SPEF2: variants seen among roughly 807,000 people sequenced by gnomAD.
SPEF2 encodes the protein sperm flagellar and cilia associated 2, also known as sperm flagella and cilia-associated protein 2.
Under a neutral mutation model 224.6 loss-of-function variants are expected in SPEF2, and 187 were observed. The observed-to-expected ratio is 0.83, with a 90% CI of 0.74 to 0.94. The LOEUF is 0.94. SPEF2 is among the 40% of genes least tolerant of loss of function. The pLI is 0.00. For missense variants in SPEF2, 2,170 were observed against 2,135.6 expected, an observed-to-expected ratio of 1.02 and a Z score of -0.32; for synonymous variants, 715 against 707.3, an observed-to-expected ratio of 1.01 and a Z score of -0.17.
chr5:35,770,225 C>A (rs1270696135), intron 26 of SPEF2, among the ~76,000 whole-genome samples: 4 of 152,008 alleles, frequency 2.6e-5, no homozygotes, highest in Non-Finnish European at 5.9e-5. Flanking sequence ...TATATATAAT[C>A]TTAATTTACA....
At chr5:35,710,414 G>A in intron 19 of SPEF2, 2 of 507,324 alleles carry the variant, frequency 3.9e-6, no homozygotes, top group Non-Finnish European at 5.1e-6. Context: ...AAAATTAGCT[G>A]GGCGTGGTGG....
Position 35,715,409 on chromosome 5 carries a change from A to G in SPEF2, c.2914+2523A>G, listed in dbSNP as rs369279701. On this transcript the variant is annotated intron_variant, in intron 20 of 36. Transcript: ENST00000356031. ...AAAAAAAAGTCCTCCACAACTTAAC[A>G]TAGCAGTGGAGGTGAAACTTTTATT... Among the ~76,000 whole-genome samples, 14 of 152,234 alleles carry G rather than the reference A, an allele frequency of 9.2e-5. No individual in the cohort carries two copies. The East Asian group carries it at 1.2e-3, about 13-fold the overall frequency.
At chr5:35,737,958 T>C (rs954389961) in intron 21 of SPEF2, among the ~76,000 whole-genome samples, 1 of 152,252 alleles carries the variant, frequency 6.6e-6, no homozygotes, top group African/African-American at 2.4e-5. Context: ...ATTTCTCTGA[T>C]GGCCAGTGAT....
intron 1 of SPEF2, among the ~76,000 whole-genome samples, chr5:35,623,119 C>T (rs1407222112): frequency 6.6e-6 from 1 of 152,134 alleles, no homozygotes; most frequent in Non-Finnish European, 1.5e-5. Context: ...TAAGAGGGTG[C>T]TAGAAATGAC....
intron 2 of SPEF2, 92 bp from the exon 3 acceptor site, chr5:35,641,339 A>G (rs1746592899): frequency 1.4e-6 from 2 of 1,394,258 alleles, no homozygotes; most frequent in Admixed American, 4.4e-5. Flanking sequence ...GAAATAATTC[A>G]AAATATTGGA....
intron 29 of SPEF2, 149 bp downstream of exon 29, chr5:35,776,544 G>A: frequency 1.4e-6 from 1 of 723,098 alleles, no homozygotes; most frequent in Non-Finnish European, 2.2e-6. Context: ...CAGATAATAT[G>A]AGCTTTACTA....
intron 24 of SPEF2, among the ~76,000 whole-genome samples, chr5:35,759,293 C>T (rs961478313): frequency 6.6e-6 from 1 of 152,060 alleles, no homozygotes; most frequent in African/African-American, 2.4e-5. Flanking sequence ...AAACATCATA[C>T]ATCCTGTAAC....
intron 30 of SPEF2, among the ~76,000 whole-genome samples, chr5:35,785,901 C>T (rs1478470621): frequency 6.6e-6 from 1 of 151,986 alleles, no homozygotes; most frequent in East Asian, 1.9e-4. Flanking sequence ...CTCCATTTTC[C>T]CCTTTGCCTG....
intron 26 of SPEF2, among the ~76,000 whole-genome samples, chr5:35,766,146 A>T (rs2149767707): frequency 6.6e-6 from 1 of 152,212 alleles, no homozygotes. Flanking sequence ...ATACTAGCTT[A>T]ATAAATCAAG....
intron 26 of SPEF2, among the ~76,000 whole-genome samples, chr5:35,767,827 AGG>A (rs1752288593): frequency 6.6e-6 from 1 of 152,094 alleles, no homozygotes. Flanking sequence ...TAAGAGAAGA[AGG>A]GGTTAGTGTG....
Position 35,806,591 on chromosome 5 carries a change from G to A in SPEF2, c.5011-116G>A, listed in dbSNP as rs894314396. 31 of 1,311,186 alleles carry A rather than the reference G, an allele frequency of 2.4e-5. No homozygotes were observed. The African/African-American group carries it at 3.1e-4, about 13-fold the overall frequency. 81.2% of individuals were successfully genotyped at this position (1,311,186 alleles called of 1,614,324 possible). ...CCTCTAGACTGGTTAGCTAGTTTGT[G>A]GTAGGCTCTGTCATTCATGAAAAGT... On this transcript the variant is annotated intron_variant, in intron 34 of 36. Transcript: ENST00000356031.
intron 8 of SPEF2, among the ~76,000 whole-genome samples, 162 bp downstream of exon 8, chr5:35,659,369 A>G (rs1203169593): frequency 6.6e-6 from 1 of 152,188 alleles, no homozygotes; most frequent in Non-Finnish European, 1.5e-5. Flanking sequence ...TAACTCCATC[A>G]ACAGGGCATG....
At chr5:35,771,540 A>G in intron 26 of SPEF2, 69 bp from the exon 27 acceptor site, 2 of 1,546,536 alleles carry the variant, frequency 1.3e-6, no homozygotes, top group Non-Finnish European at 1.7e-6. Context: ...TTTAGTAATG[A>G]CTACATCCAA....
chr5:35,702,001 A>G (rs1738739880), intron 16 of SPEF2, among the ~76,000 whole-genome samples: 1 of 152,178 alleles, frequency 6.6e-6, no homozygotes. Context: ...ATTGCTCTGT[A>G]GATAATAGCC....
intron 30 of SPEF2, chr5:35,791,360 G>A (rs953458063): frequency 6.6e-6 from 1 of 152,184 alleles, no homozygotes; most frequent in Admixed American, 6.5e-5. Flanking sequence ...GAAGCACTGA[G>A]ATTTTAGAAG....
intron 27 of SPEF2, among the ~76,000 whole-genome samples, chr5:35,773,064 A>C (rs1159561960): frequency 3.3e-5 from 5 of 152,182 alleles, no homozygotes; most frequent in African/African-American, 1.2e-4. Flanking sequence ...TGATGTACTT[A>C]TAGTTAAGTT....
chr5:35,753,819 T>A (rs1580595511), intron 24 of SPEF2, 58 bp downstream of exon 24: 1 of 1,602,652 alleles, frequency 6.2e-7, no homozygotes, highest in East Asian at 2.2e-5. Flanking sequence ...CATTCCTCAG[T>A]CCTTCATATG....
At chr5:35,794,064 A>C (rs1235207629) in intron 32 of SPEF2, among the ~76,000 whole-genome samples, 1 of 152,250 alleles carries the variant, frequency 6.6e-6, no homozygotes, top group East Asian at 1.9e-4. Flanking sequence ...TTGGTGGAAT[A>C]ATAAGTACAG....
At chr5:35,724,090 A>G (rs1744226391) in intron 20 of SPEF2, among the ~76,000 whole-genome samples, 1 of 152,206 alleles carries the variant, frequency 6.6e-6, no homozygotes, top group Non-Finnish European at 1.5e-5. Context: ...ACAATCATCT[A>G]TGAAGTAGAA....
Sources: gnomAD v4.1 joint callset for allele counts (sites outside exome capture counted in the v4.1 genomes callset) on GRCh38, gnomAD v4.1.1 for gene constraint, MANE v1.5 for transcripts, NCBI Gene and HGNC (gene_info 2026-07-23, HGNC 2026-07-21) for gene names.